ARL8B: variants seen among roughly 807,000 people sequenced by gnomAD.
ARL8B encodes the protein ARF like GTPase 8B, also known as ADP-ribosylation factor-like protein 8B.
Under a neutral mutation model 30.6 loss-of-function variants are expected in ARL8B, and 9 were observed. That is an observed-to-expected ratio of 0.29 (90% CI 0.18 to 0.51). ARL8B has a LOEUF of 0.51. ARL8B is among the 20% of genes least tolerant of loss of function. ARL8B has a pLI of 0.97. For missense variants in ARL8B, 130 were observed against 227.2 expected (o/e 0.57, Z 2.75); for synonymous variants, 74 against 76.0 (o/e 0.97, Z 0.14).
At chr3:5,139,987 GTTTT>G (rs375903438) in intron 1 of ARL8B, among the ~76,000 whole-genome samples, 1 of 130,024 alleles carries the variant, frequency 7.7e-6, no homozygotes. Flanking sequence ...GATTAGTTTT[GTTTT>G]TTTTTTTTTT....
At chr3:5,138,008 G>T (rs1319766584) in intron 1 of ARL8B, among the ~76,000 whole-genome samples, 3 of 149,544 alleles carry the variant, frequency 2.0e-5, no homozygotes, top group Non-Finnish European at 3.0e-5. Flanking sequence ...AAAATGAGAG[G>T]TTTTTGTTGT....
In ARL8B at chr3:5,179,075, A is replaced by C. The variant is rs2054755001; in HGVS notation, c.*362A>C. The C allele has an allele frequency of 5.7e-6, 1 of 174,178 alleles. No homozygotes were observed. The highest frequency in any genetic ancestry group is 6.2e-5 in the Admixed American group (1 of 16,126). The allele number at this position is 174,178 out of a possible 1,614,324, so 10.8% of individuals were successfully genotyped here. On this transcript the variant is annotated 3_prime_UTR_variant, in exon 7 of 7. Transcript: ENST00000256496. ...CAGATTTTTATATTGGTTTTCAGTA[A>C]ATGTCTATCTATAATATTTCATTAT...
In ARL8B at chr3:5,179,104, G is replaced by A. The variant is rs1230425185; in HGVS notation, c.*391G>A. ...TCTATCTATAATATTTCATTATAGA[G>A]TCCAGTAGCTTAATACTGACACTGA... On this transcript the variant is annotated 3_prime_UTR_variant, in exon 7 of 7. Transcript: ENST00000256496. The A allele has an allele frequency of 6.3e-6, 1 of 159,050 alleles. No individual in the cohort carries two copies. Among genetic ancestry groups the A allele is most frequent in the African/African-American group, 2.4e-5 (1 of 41,620 alleles). The allele number at this position is 159,050 out of a possible 1,614,324, so 9.9% of individuals were successfully genotyped here. A position where few individuals can be genotyped will look rare whatever the true frequency, so the allele number is the denominator to read the frequency against.
Position 5,122,351 on chromosome 3 carries a change from C to G in ARL8B, c.-115C>G, listed in dbSNP as rs1256259464. On this transcript the variant is annotated 5_prime_UTR_variant, in exon 1 of 7. Transcript: ENST00000256496. ...GCCGCCCGCCGGTGTCCGCCCGTGT[C>G]GCGCCGGGGCACCAAGGAGCCGTTG... is the stretch of plus-strand genomic sequence containing the variant. The G allele has an allele frequency of 6.4e-7, 1 of 1,552,262 alleles. No homozygotes were observed. Among genetic ancestry groups the G allele is most frequent in the East Asian group, 2.4e-5 (1 of 41,244 alleles).
chr3:5,179,154 T>C lies in ARL8B; in HGVS notation c.*441T>C, dbSNP rs2054755621. The C allele has an allele frequency of 6.5e-6, 1 of 153,958 alleles. No homozygotes were observed. The highest frequency in any genetic ancestry group is 2.4e-5 in the African/African-American group (1 of 41,496). 9.5% of individuals were successfully genotyped at this position (153,958 alleles called of 1,614,324 possible). A position where few individuals can be genotyped will look rare whatever the true frequency, so the allele number is the denominator to read the frequency against. ...ACTTGATACAGCATGAAGTTTCTAGTGCCACACACAGTATTTAGAAAACCT... is the reference window on the plus strand; with the variant it reads ...ACTTGATACAGCATGAAGTTTCTAGCGCCACACACAGTATTTAGAAAACCT... On this transcript the variant is annotated 3_prime_UTR_variant, in exon 7 of 7. Transcript: ENST00000256496.
intron 6 of ARL8B, among the ~76,000 whole-genome samples, chr3:5,176,259 C>T (rs1361450711): frequency 2.0e-5 from 3 of 152,092 alleles, no homozygotes; most frequent in Non-Finnish European, 4.4e-5. Context: ...AAGATGGAGT[C>T]TCACTCTGTC....
chr3:5,142,550 T>A (rs1454380636), intron 1 of ARL8B, among the ~76,000 whole-genome samples: 1 of 152,148 alleles, frequency 6.6e-6, no homozygotes, highest in Non-Finnish European at 1.5e-5. Context: ...TAGCAGTCAC[T>A]CTTGTTGAAG....
At chr3:5,150,530 C>G (rs186573217) in intron 1 of ARL8B, among the ~76,000 whole-genome samples, 2 of 151,922 alleles carry the variant, frequency 1.3e-5, no homozygotes, top group African/African-American at 4.8e-5. Context: ...CATCTGTAAT[C>G]CCAGCACTTT....
intron 1 of ARL8B, among the ~76,000 whole-genome samples, chr3:5,163,726 T>C (rs1575571831): frequency 6.6e-6 from 1 of 151,886 alleles, no homozygotes; most frequent in Non-Finnish European, 1.5e-5. Flanking sequence ...AAAAATTAGC[T>C]CTGCATGGTG....
chr3:5,154,187 AT>A (rs1054781730), intron 1 of ARL8B, among the ~76,000 whole-genome samples: 1 of 150,588 alleles, frequency 6.6e-6, no homozygotes, highest in Admixed American at 6.6e-5. Flanking sequence ...ATTTTCAGTC[AT>A]TTTTTTCAAG....
rs1445550236 is a variant in ARL8B at position 5,178,777 on chromosome 3, G to A, written c.*64G>A. On this transcript the variant is annotated 3_prime_UTR_variant, in exon 7 of 7. Transcript: ENST00000256496. ...TCCTAGAATTATTGTCCGTTCCTCT[G>A]AAGTAATTCCCAGAATACGGTCCTT... 1 of 1,606,816 alleles carries A rather than the reference G, an allele frequency of 6.2e-7. No homozygotes were observed. Among genetic ancestry groups the A allele is most frequent in the Non-Finnish European group, 8.5e-7 (1 of 1,178,848 alleles).
chr3:5,175,192 G>A (rs935332241), intron 6 of ARL8B, among the ~76,000 whole-genome samples: 8 of 152,048 alleles, frequency 5.3e-5, no homozygotes, highest in African/African-American at 1.9e-4. Context: ...TTCGTTCAGC[G>A]TTACAATGTT....
At chr3:5,149,191 C>T (rs560571581) in intron 1 of ARL8B, among the ~76,000 whole-genome samples, 1 of 152,354 alleles carries the variant, frequency 6.6e-6, no homozygotes, top group South Asian at 2.1e-4. Context: ...ACCTGGGCTC[C>T]TGCACAAGGT....
At chr3:5,160,000 T>G (rs1034982648) in intron 1 of ARL8B, among the ~76,000 whole-genome samples, 2 of 152,214 alleles carry the variant, frequency 1.3e-5, no homozygotes, top group Admixed American at 1.3e-4. Context: ...AAAATGTGAC[T>G]GGTATACTAA....
intron 1 of ARL8B, among the ~76,000 whole-genome samples, chr3:5,131,540 G>A (rs1458308150): frequency 2.0e-5 from 3 of 151,874 alleles, no homozygotes; most frequent in Admixed American, 2.0e-4. Flanking sequence ...ACAGGCGCAC[G>A]CCACCATGGC....
intron 1 of ARL8B, among the ~76,000 whole-genome samples, chr3:5,135,756 C>T (rs1015658751): frequency 1.6e-5 from 2 of 126,910 alleles, no homozygotes; most frequent in African/African-American, 2.9e-5. Flanking sequence ...CGCACCTGGC[C>T]TATTATTATT....
chr3:5,165,246 T>G (rs1466234665), intron 1 of ARL8B, among the ~76,000 whole-genome samples: 1 of 151,124 alleles, frequency 6.6e-6, no homozygotes, highest in Non-Finnish European at 1.5e-5. Flanking sequence ...TTAAGTACTT[T>G]GCTAGCAAAA....
chr3:5,170,372 C>G (rs1003328609), intron 1 of ARL8B, 131 bp from the exon 2 acceptor site: 1 of 510,580 alleles, frequency 2.0e-6, no homozygotes, highest in Admixed American at 3.8e-5. Context: ...GGAACATGTT[C>G]TTAAAGTAGA....
At chr3:5,165,986 G>A (rs2054620433) in intron 1 of ARL8B, among the ~76,000 whole-genome samples, 1 of 151,142 alleles carries the variant, frequency 6.6e-6, no homozygotes, top group African/African-American at 2.4e-5. Flanking sequence ...ATATTAACCT[G>A]TTTACAAAGA....
Sources: allele counts gnomAD v4.1 joint callset (sites outside exome capture counted in the v4.1 genomes callset), GRCh38; gene constraint gnomAD v4.1.1; transcripts MANE v1.5; gene names NCBI Gene and HGNC (gene_info 2026-07-23, HGNC 2026-07-21).